Variants in SEMA5A observed in about 807,000 individuals in gnomAD.
SEMA5A encodes semaphorin 5A.
Under a neutral mutation model 135.5 loss-of-function variants are expected in SEMA5A, and 55 were observed. The ratio of observed to expected loss-of-function variants is 0.41; its 90% CI spans 0.33 to 0.51. The LOEUF (loss-of-function observed/expected upper bound fraction) is 0.51. Among genes scored for constraint, SEMA5A ranks in the 20% least tolerant of loss-of-function variants. SEMA5A has a pLI of 0.37. For synonymous variants in SEMA5A, 580 were observed against 546.5 expected (o/e 1.06, Z -0.85); for missense variants, 1,290 against 1,419.9 (o/e 0.91, Z 1.47).
intron 1 of SEMA5A, among the ~76,000 whole-genome samples, chr5:9,496,036 T>A (rs1021589308): frequency 6.6e-6 from 1 of 152,198 alleles, no homozygotes; most frequent in African/African-American, 2.4e-5. Flanking sequence ...ATATTTCTTT[T>A]ATTTCATTAT....
chr5:9,535,154 T>C (rs1737688515), intron 1 of SEMA5A, among the ~76,000 whole-genome samples: 1 of 152,064 alleles, frequency 6.6e-6, no homozygotes, highest in Non-Finnish European at 1.5e-5. Flanking sequence ...AAGACAAACC[T>C]CAGGGAGCTG....
At chr5:9,096,266 G>A (rs1213058889) in intron 16 of SEMA5A, among the ~76,000 whole-genome samples, 1 of 152,028 alleles carries the variant, frequency 6.6e-6, no homozygotes, top group Non-Finnish European at 1.5e-5. Flanking sequence ...TAGTCCTAAT[G>A]TTATACGTTA....
intron 16 of SEMA5A, among the ~76,000 whole-genome samples, chr5:9,075,507 TACAAA>T (rs1341286287): frequency 7.0e-6 from 1 of 143,816 alleles, no homozygotes; most frequent in Non-Finnish European, 1.5e-5. Flanking sequence ...ACTCTTAATA[TACAAA>T]ACAACAAAGC....
At chr5:9,192,597 C>T (rs1745174671) in intron 10 of SEMA5A, among the ~76,000 whole-genome samples, 1 of 151,918 alleles carries the variant, frequency 6.6e-6, no homozygotes, top group Admixed American at 6.6e-5. Context: ...AGGGGATGTG[C>T]TAGGAAAGTT....
chr5:9,166,258 C>A (rs1743602119), intron 11 of SEMA5A, among the ~76,000 whole-genome samples: 1 of 152,068 alleles, frequency 6.6e-6, no homozygotes, highest in Non-Finnish European at 1.5e-5. Context: ...AAGCCTGGCA[C>A]ATAGTAGGTG....
intron 13 of SEMA5A, among the ~76,000 whole-genome samples, chr5:9,127,383 T>G (rs1014089060): frequency 3.9e-5 from 6 of 152,318 alleles, no homozygotes; most frequent in Non-Finnish European, 7.3e-5. Context: ...TGTAAGAGCA[T>G]GTACTTAGCG....
At chr5:9,128,950 A>G (rs1741259105) in intron 13 of SEMA5A, among the ~76,000 whole-genome samples, 1 of 152,196 alleles carries the variant, frequency 6.6e-6, no homozygotes, top group South Asian at 2.1e-4. Context: ...ACAACCCAAA[A>G]TGTCTCCAGA....
rs1350666907 is a variant in SEMA5A at position 9,210,326 on chromosome 5, TAC to T, written c.647-8088_647-8087del. On this transcript the variant is annotated intron_variant, in intron 8 of 22. Coordinates refer to ENST00000382496, the MANE Select transcript of SEMA5A (RefSeq NM_003966.3). ...GTGCTCGATGTACAGGATGGAGCAATACAGTGTTTTCAGAGCACCGTAAGAAC... is the reference window on the plus strand; with the variant it reads ...GTGCTCGATGTACAGGATGGAGCAATAGTGTTTTCAGAGCACCGTAAGAAC... Among the ~76,000 whole-genome samples, 8 of 152,278 alleles carry T rather than the reference TAC, an allele frequency of 5.3e-5. No homozygotes were observed. In the South Asian group the frequency reaches 6.2e-4, roughly 12 times the overall value.
chr5:9,080,045 G>A (rs1738288705), intron 16 of SEMA5A, among the ~76,000 whole-genome samples: 1 of 152,138 alleles, frequency 6.6e-6, no homozygotes, highest in Admixed American at 6.5e-5. Flanking sequence ...TCCCATTACT[G>A]GGTATATATC....
Position 9,044,030 on chromosome 5 carries a change from G to C in SEMA5A, c.3105+343C>G, listed in dbSNP as rs538272032. On this transcript the variant is annotated intron_variant, in intron 22 of 22. Transcript: ENST00000382496. ...GAGGGGCGTGTTATTAATTCCTGGT[G>C]CTTCATTCCCCAGATCTACCATCTG... is the stretch of plus-strand genomic sequence containing the variant. Among the ~76,000 whole-genome samples the C allele has an allele frequency of 2.6e-5, 4 of 152,282 alleles. No homozygotes were observed. The South Asian group carries it at 6.2e-4, about 24-fold the overall frequency.
At chr5:9,391,225 T>C (rs1241774365) in intron 2 of SEMA5A, among the ~76,000 whole-genome samples, 1 of 152,204 alleles carries the variant, frequency 6.6e-6, no homozygotes, top group African/African-American at 2.4e-5. Context: ...TCACTGACCC[T>C]GGGACCAGAG....
intron 5 of SEMA5A, among the ~76,000 whole-genome samples, chr5:9,253,149 C>T (rs1020651640): frequency 2.6e-5 from 4 of 152,164 alleles, no homozygotes. Flanking sequence ...CTAGGACAAT[C>T]ATACCCCAAA....
At chr5:9,169,089 G>A (rs1231829114) in intron 11 of SEMA5A, among the ~76,000 whole-genome samples, 1 of 152,114 alleles carries the variant, frequency 6.6e-6, no homozygotes, top group Non-Finnish European at 1.5e-5. Context: ...GGAGACTATA[G>A]CTAACAATGC....
At chr5:9,509,675 T>C (rs974956541) in intron 1 of SEMA5A, among the ~76,000 whole-genome samples, 1 of 152,206 alleles carries the variant, frequency 6.6e-6, no homozygotes, top group Non-Finnish European at 1.5e-5. Flanking sequence ...AAGTTTATCA[T>C]TGTAATACTC....
At chr5:9,179,975 A>T (rs1744412208) in intron 11 of SEMA5A, among the ~76,000 whole-genome samples, 1 of 152,170 alleles carries the variant, frequency 6.6e-6, no homozygotes, top group African/African-American at 2.4e-5. Flanking sequence ...ATACTTTCTT[A>T]AGAATCTGGG....
chr5:9,449,388 G>A (rs929984045), intron 1 of SEMA5A, among the ~76,000 whole-genome samples: 4 of 152,044 alleles, frequency 2.6e-5, no homozygotes, highest in Admixed American at 1.3e-4. Flanking sequence ...GGATATATGG[G>A]GGGGAACAAC....
At chr5:9,116,036 G>C (rs906784378) in intron 15 of SEMA5A, among the ~76,000 whole-genome samples, 1 of 152,162 alleles carries the variant, frequency 6.6e-6, no homozygotes, top group Non-Finnish European at 1.5e-5. Context: ...AGGAATTGAG[G>C]TCTGCAGTTT....
At chr5:9,151,718 A>C (rs1395649130) in intron 12 of SEMA5A, among the ~76,000 whole-genome samples, 1 of 152,226 alleles carries the variant, frequency 6.6e-6, no homozygotes, top group Non-Finnish European at 1.5e-5. Context: ...ATACTAAAGG[A>C]CCAGGCAAAA....
intron 2 of SEMA5A, among the ~76,000 whole-genome samples, chr5:9,412,315 A>G (rs1463910778): frequency 6.6e-6 from 1 of 151,862 alleles, no homozygotes; most frequent in Non-Finnish European, 1.5e-5. Flanking sequence ...TAATTGTATA[A>G]AAACAAAATG....
Sources: allele counts gnomAD v4.1 joint callset (sites outside exome capture counted in the v4.1 genomes callset), GRCh38; gene constraint gnomAD v4.1.1; transcripts MANE v1.5; gene names NCBI Gene and HGNC (gene_info 2026-07-23, HGNC 2026-07-21).